NAA38: variants seen among roughly 807,000 people sequenced by gnomAD.
The protein encoded by NAA38 is N-alpha-acetyltransferase 38, NatC auxiliary subunit, also known as LSM domain containing 1.
A neutral mutation model predicts 12.6 loss-of-function variants in NAA38; 15 were observed. The ratio of observed to expected loss-of-function variants is 1.19; its 90% CI spans 0.79 to 1.83. The LOEUF (loss-of-function observed/expected upper bound fraction) is 1.83, where lower values mean the gene tolerates loss of function less well. NAA38 is among the 40% of genes most tolerant of loss of function. The pLI is 0.00. For missense variants in NAA38, 183 were observed against 171.7 expected (o/e 1.07, Z -0.37); for synonymous variants, 88 against 69.9 (o/e 1.26, Z -1.29).
chr17:7,859,730 A>G, upstream of NAA38: 5 of 849,936 alleles, frequency 5.9e-6, no homozygotes, highest in Non-Finnish European at 9.6e-6. Flanking sequence ...ACTCCTCTCC[A>G]GGAGCTAGCC....
intron 2 of NAA38, among the ~76,000 whole-genome samples, chr17:7,868,651 T>A (rs1401122005): frequency 1.3e-5 from 2 of 152,184 alleles, no homozygotes; most frequent in African/African-American, 4.8e-5. Context: ...CCCAGCACTA[T>A]AAAGAGTCCT....
intron 1 of NAA38, chr17:7,884,996 C>G (rs1967529043): frequency 5.7e-6 from 7 of 1,238,868 alleles, no homozygotes; most frequent in Non-Finnish European, 7.1e-6. Flanking sequence ...GGGCCGCGAC[C>G]GCCACAGCCC....
Position 7,874,238 on chromosome 17 carries a change from G to C in NAA38, c.-65-7680C>G, listed in dbSNP as rs557127061. 4.7e-4 allele frequency among the ~76,000 whole-genome samples: 71 copies of C among 152,278 alleles called. 3 individuals carry two copies. The South Asian group carries it at 0.014, about 30-fold the overall frequency. On this transcript the variant is annotated intron_variant, in intron 2 of 4. Coordinates refer to the NAA38 transcript ENST00000576861. ...CCAAGAACAGAGTAGAAGTAAATGAGGGGGCTAGAAGGATAGAAAGTTGTG... is the reference window on the plus strand; with the variant it reads ...CCAAGAACAGAGTAGAAGTAAATGACGGGGCTAGAAGGATAGAAAGTTGTG...
intron 2 of NAA38, among the ~76,000 whole-genome samples, chr17:7,867,545 G>A (rs1967010135): frequency 1.3e-5 from 2 of 152,138 alleles, no homozygotes; most frequent in African/African-American, 2.4e-5. Flanking sequence ...CACCATGTTG[G>A]CCAGGCTGGT....
chr17:7,861,666 T>C (rs1158150952), upstream of NAA38: 1 of 152,224 alleles, frequency 6.6e-6, no homozygotes, highest in Non-Finnish European at 1.5e-5. Context: ...ATCTGTCTCC[T>C]AAATATCTCT....
upstream of NAA38, chr17:7,859,057 A>C: frequency 1.8e-6 from 1 of 571,066 alleles, no homozygotes; most frequent in South Asian, 2.3e-5. Context: ...ACAGCAGTTC[A>C]TGTATCTTAG....
chr17:7,866,418 A>G (rs976147459), intron 3 of NAA38: 35 of 1,188,516 alleles, frequency 2.9e-5, no homozygotes, highest in Admixed American at 1.3e-4. Flanking sequence ...GCCACGGGGA[A>G]CTTTTAAAGT....
rs765503004 is a variant in NAA38, at chr17:7,857,193, C to T, written c.87G>A (p.Ser29=). ...CCGCCGAGTCCTCGCGCTCTCCGTCCGAATCCTGCGCGGGGTGTAACAAGC... is the reference window on the plus strand; with the variant it reads ...CCGCCGAGTCCTCGCGCTCTCCGTCTGAATCCTGCGCGGGGTGTAACAAGC... ...RRQSSSSAGD[S]DGEREDSAAE... Residue 29 remains serine, a synonymous_variant, in exon 2 of 3, where the codon TCG becomes TCA. Coordinates refer to ENST00000575771, the MANE Select transcript of NAA38 (RefSeq NM_001320925.4). 3.7e-5 allele frequency: 60 copies of T among 1,612,948 alleles called. No individual in the cohort carries two copies. The highest frequency in any genetic ancestry group is 4.9e-5 in the Non-Finnish European group (58 of 1,180,042).
upstream of NAA38, chr17:7,860,937 G>C (rs2078878556): frequency 2.6e-5 from 4 of 152,296 alleles, no homozygotes; most frequent in South Asian, 8.3e-4. Flanking sequence ...TGGCGAGGGA[G>C]AAAAAGGAGG....
At chr17:7,884,676 A>C in intron 1 of NAA38, 1 of 341,680 alleles carries the variant, frequency 2.9e-6, no homozygotes, top group Non-Finnish European at 5.2e-6. Context: ...GGCGGTGAGG[A>C]GGAGGAGGAC....
chr17:7,868,502 T>A (rs1967028827), intron 2 of NAA38, among the ~76,000 whole-genome samples: 1 of 152,174 alleles, frequency 6.6e-6, no homozygotes, highest in South Asian at 2.1e-4. Context: ...TCCTTTGGAT[T>A]CCATTTCTTC....
intron 1 of NAA38, among the ~76,000 whole-genome samples, chr17:7,884,011 A>AG (rs1019415955): frequency 2.6e-5 from 4 of 151,732 alleles, no homozygotes; most frequent in Non-Finnish European, 5.9e-5. Context: ...ATTTTTTATA[A>AG]GGGGGGAGTT....
upstream of NAA38, chr17:7,859,293 A>C: frequency 9.6e-7 from 1 of 1,040,448 alleles, no homozygotes; most frequent in Non-Finnish European, 1.4e-6. Flanking sequence ...TGAAGCTGCT[A>C]TCTGCCAAGG....
chr17:7,882,609 A>G (rs1474336904), intron 2 of NAA38, among the ~76,000 whole-genome samples: 1 of 152,158 alleles, frequency 6.6e-6, no homozygotes, highest in East Asian at 1.9e-4. Flanking sequence ...CGACAGGAAA[A>G]CTGGAAAAGG....
chr17:7,884,457 C>CAT (rs377079849), intron 1 of NAA38, among the ~76,000 whole-genome samples: 23,511 of 130,532 alleles, frequency 0.18, 2,343 homozygotes, highest in East Asian at 0.34. Context: ...TATATATATA[C>CAT]ATATATATAT....
At chr17:7,876,310 C>T (rs1967174797) in intron 2 of NAA38, among the ~76,000 whole-genome samples, 1 of 152,086 alleles carries the variant, frequency 6.6e-6, no homozygotes, top group South Asian at 2.1e-4. Context: ...CTACCTGGTA[C>T]ACTTAACACT....
chr17:7,858,898 C>A (rs2078859482), upstream of NAA38: 1 of 1,352,458 alleles, frequency 7.4e-7, no homozygotes. Flanking sequence ...ATCTTCAGGG[C>A]AACATTTTTT....
At chr17:7,873,230 C>T (rs1967117456) in intron 2 of NAA38, among the ~76,000 whole-genome samples, 1 of 152,194 alleles carries the variant, frequency 6.6e-6, no homozygotes, top group Non-Finnish European at 1.5e-5. Context: ...ACCACTAATC[C>T]AGACAGCACT....
chr17:7,877,310 A>G (rs1459862122), intron 2 of NAA38, among the ~76,000 whole-genome samples: 2 of 152,148 alleles, frequency 1.3e-5, no homozygotes, highest in Admixed American at 6.5e-5. Flanking sequence ...TTTAAATCCA[A>G]ATAAATGTAT....
Sources: allele counts gnomAD v4.1 joint callset (sites outside exome capture counted in the v4.1 genomes callset), GRCh38; gene constraint gnomAD v4.1.1; transcripts MANE v1.5; gene names NCBI Gene and HGNC (gene_info 2026-07-23, HGNC 2026-07-21).